DNAJC14: variants seen among roughly 807,000 people sequenced by gnomAD.
The protein encoded by DNAJC14 is DnaJ heat shock protein family (Hsp40) member C14.
In DNAJC14, 12 loss-of-function variants were observed where a neutral mutation model predicts 68.8. That is an observed-to-expected ratio of 0.17 (90% CI 0.11 to 0.28). DNAJC14 has a LOEUF of 0.28. Among genes scored for constraint, DNAJC14 ranks in the 10% least tolerant of loss-of-function variants. The pLI is 1.00. For missense variants in DNAJC14, 764 were observed against 875.6 expected (o/e 0.87, Z 1.61); for synonymous variants, 350 against 321.5 (o/e 1.09, Z -0.95).
intron 2 of DNAJC14, 65 bp from the exon 3 acceptor site, chr12:55,823,573 T>G: frequency 7.0e-7 from 1 of 1,420,246 alleles, no homozygotes; most frequent in South Asian, 1.2e-5. Flanking sequence ...GAATTTATTC[T>G]CATATCAAAG....
intron 2 of DNAJC14, 44 bp from the exon 3 acceptor site, chr12:55,823,552 C>G (rs1428166022): frequency 6.5e-7 from 1 of 1,530,976 alleles, no homozygotes. Context: ...TTCCAACCCT[C>G]TCCTCACCTT....
rs372472514 is a variant in DNAJC14, at chr12:55,827,991, A to G, written c.668T>C (p.Leu223Pro). ...ATCTGCCTGACTTCGTTTCCGACCC[A>G]GCCGATGTCGACCAGGGGACCTGGG... Reference protein sequence around the residue: ...RDPRSPGRHRLGRKRSQADKR... With the variant: ...RDPRSPGRHRPGRKRSQADKR... Residue 223 changes from leucine to proline, a missense_variant, in exon 2 of 7, where the codon CTG becomes CCG. Physicochemically the swap from Leu to Pro is moderately conservative, Grantham distance 98 (BLOSUM62 -3). Transcript: ENST00000678005. 56 of 1,613,326 alleles carry G rather than the reference A, an allele frequency of 3.5e-5. No individual in the cohort carries two copies. The highest frequency in any genetic ancestry group is 4.6e-5 in the Non-Finnish European group (54 of 1,179,844).
In DNAJC14 at chr12:55,828,323, C is replaced by T. The variant is rs745699717; in HGVS notation, c.336G>A (p.Glu112=). The T allele has an allele frequency of 2.3e-5, 37 of 1,613,274 alleles. No individual in the cohort carries two copies. The highest frequency in any genetic ancestry group is 3.1e-5 in the Non-Finnish European group (37 of 1,179,826). ...AGTTCCCATCCTTCTGGTTCCCAGTCTCGTTTTCTTTTGAGAGTTCCTGGT... is the reference window on the plus strand; with the variant it reads ...AGTTCCCATCCTTCTGGTTCCCAGTTTCGTTTTCTTTTGAGAGTTCCTGGT... ...GVDQELSKEN[E]TGNQKDGNSF... The change falls in exon 2 of 7, where the codon GAG becomes GAA. Residue 112 remains glutamate, a synonymous_variant. Transcript: ENST00000678005.
chr12:55,827,125 A>C, intron 2 of DNAJC14, 127 bp downstream of exon 2: 3 of 957,416 alleles, frequency 3.1e-6, no homozygotes, highest in Admixed American at 3.1e-5. Flanking sequence ...CAGGAGGCGG[A>C]GGTTGTAGTG....
At chr12:55,828,799 C>T in intron 1 of DNAJC14, 85 bp from the exon 2 acceptor site, 2 of 1,372,938 alleles carry the variant, frequency 1.5e-6, no homozygotes, top group Non-Finnish European at 1.9e-6. Context: ...ACATTTAATT[C>T]ATCCACCTCC....
chr12:55,830,708 TG>T (rs1009737601), upstream of DNAJC14: 1 of 152,586 alleles, frequency 6.6e-6, no homozygotes, highest in African/African-American at 2.4e-5. Context: ...GCTATATAGT[TG>T]GGGGTCTCTG....
Position 55,828,571 on chromosome 12 carries a change from C to T in DNAJC14, c.88G>A (p.Asp30Asn). Residue 30 changes from aspartate to asparagine, a missense_variant, in exon 2 of 7, where the codon GAC (aspartate) becomes AAC (asparagine). By Grantham distance (23) the Asp-to-Asn change is conservative (BLOSUM62 1). Transcript: ENST00000678005. ...ASLRTLGPSV[D>N]PEIPSFSGLR... ...CCTGAGAATGAAGGTATTTCAGGGTCCACGGAGGGTCCTAAAGTCCTGAGG... is the reference window on the plus strand; with the variant it reads ...CCTGAGAATGAAGGTATTTCAGGGTTCACGGAGGGTCCTAAAGTCCTGAGG... The T allele has an allele frequency of 6.2e-7, 1 of 1,614,100 alleles. No homozygotes were observed.
At chr12:55,824,323 G>A (rs772823729) in intron 2 of DNAJC14, among the ~76,000 whole-genome samples, 21 of 152,038 alleles carry the variant, frequency 1.4e-4, no homozygotes, top group Admixed American at 3.9e-4. Context: ...ACTTCCTACA[G>A]TGATATGCCT....
chr12:55,827,565 A>G lies in DNAJC14; in HGVS notation c.1094T>C (p.Leu365Pro), dbSNP rs1188740668. Reference protein sequence around the residue: ...RLGWRDKATWLFSWLDSPALQ... With the variant: ...RLGWRDKATWPFSWLDSPALQ... ...GGCTGGAGAATCCAGCCAAGAGAAG[A>G]GCCAGGTAGCCTTATCCCTCCAGCC... Residue 365 changes from leucine to proline, a missense_variant, in exon 2 of 7, where the codon CTC (leucine) becomes CCC (proline). Coordinates refer to ENST00000678005, the MANE Select transcript of DNAJC14 (RefSeq NM_032364.6). 2 of 1,606,378 alleles carry G rather than the reference A, an allele frequency of 1.2e-6. No homozygotes were observed. Among genetic ancestry groups the G allele is most frequent in the East Asian group, 4.5e-5 (2 of 44,632 alleles).
chr12:55,823,641 A>C, intron 2 of DNAJC14, 133 bp from the exon 3 acceptor site: 1 of 671,196 alleles, frequency 1.5e-6, no homozygotes. Flanking sequence ...AACTGCTCTG[A>C]CTCTGCAGAT....
rs372078440 is a variant in DNAJC14, at chr12:55,823,061, A to G, written c.1634+9T>C. ...GTGATTGTCCCATCCCTCTCCTTCT[A>G]TTTCATACCTATGCTTTCCTTGGCA... On this transcript the variant is annotated intron_variant, in intron 4 of 6. Transcript: ENST00000678005. The G allele has an allele frequency of 1.9e-5, 31 of 1,613,408 alleles. No homozygotes were observed. Among genetic ancestry groups the G allele is most frequent in the Non-Finnish European group, 2.5e-5 (29 of 1,179,998 alleles).
chr12:55,828,386 A>T lies in DNAJC14; in HGVS notation c.273T>A (p.Asp91Glu). The T allele has an allele frequency of 6.2e-7, 1 of 1,613,324 alleles. No individual in the cohort carries two copies. Among genetic ancestry groups the T allele is most frequent in the Non-Finnish European group, 8.5e-7 (1 of 1,179,718 alleles). The change falls in exon 2 of 7, where the codon GAT becomes GAA. Residue 91 changes from aspartate to glutamate, a missense_variant. Physicochemically the swap from Asp to Glu is conservative, Grantham distance 45. This residue lies in a region of DNAJC14 where 514 missense variants were observed against 521.7 expected (regional missense o/e 0.99). Transcript: ENST00000678005. ...PGPPRDAEDP[D>E]QSETSSEEES... ...CTTCTTCTGAAGACGTCTCACTCTG[A>T]TCAGGGTCCTCTGCATCTCTAGGTG...
intron 4 of DNAJC14, 21 bp downstream of exon 4, chr12:55,823,049 C>T: frequency 6.2e-7 from 1 of 1,612,672 alleles, no homozygotes. Flanking sequence ...ATTGTCCCAT[C>T]CCTCTCCTTC....
intron 2 of DNAJC14, 152 bp from the exon 3 acceptor site, chr12:55,823,660 A>G (rs1880725938): frequency 4.9e-6 from 3 of 615,694 alleles, no homozygotes; most frequent in East Asian, 5.7e-5. Flanking sequence ...ATCTGGTTCA[A>G]TTCATGGCTC....
Position 55,827,494 on chromosome 12 carries a change from G to T in DNAJC14, c.1165C>A (p.Arg389=). Residue 389 remains arginine (R), a synonymous_variant, in exon 2 of 7, where the codon CGG becomes AGG. Coordinates refer to ENST00000678005, the MANE Select transcript of DNAJC14 (RefSeq NM_032364.6). Reference sequence around the variant, plus strand: ...CCCCACTGAACTATTCTTACCAGCCGCTGCCATGGCCTGCTATCTCTCAGC... The same window carrying T: ...CCCCACTGAACTATTCTTACCAGCCTCTGCCATGGCCTGCTATCTCTCAGC... ...TLLRDSRPWQ[R]LVRIVQWGWL... is the part of the protein sequence containing the mutation. 2 of 1,602,616 alleles carry T rather than the reference G, an allele frequency of 1.2e-6. No homozygotes were observed. Among genetic ancestry groups the T allele is most frequent in the Non-Finnish European group, 1.7e-6 (2 of 1,170,580 alleles).
intron 6 of DNAJC14, 69 bp from the exon 7 acceptor site, chr12:55,822,256 TA>T: frequency 6.5e-7 from 1 of 1,529,262 alleles, no homozygotes; most frequent in Non-Finnish European, 8.8e-7. Context: ...TAGATATACT[TA>T]TCAGTTCCCA....
In DNAJC14 at chr12:55,823,105, A is replaced by G. The variant is rs367588622; in HGVS notation, c.1599T>C (p.Asn533=). The stretch of plus-strand genomic sequence containing the variant: ...CTTGGCATCGGCTACACATCATAGT[A>G]TTCATTGCCTCCTTGAGGTCATCTT... ...KLQDDLKEAM[N]TMMCSRCQGK... The change falls in exon 4 of 7, where the codon AAT becomes AAC. Residue 533 remains asparagine (N), a synonymous_variant. Transcript: ENST00000678005. 1.4e-5 allele frequency: 23 copies of G among 1,614,058 alleles called. No individual in the cohort carries two copies. The African/African-American group carries it at 2.7e-4, about 19-fold the overall frequency.
intron 2 of DNAJC14, among the ~76,000 whole-genome samples, chr12:55,823,808 A>C (rs1880729903): frequency 6.7e-6 from 1 of 148,938 alleles, no homozygotes; most frequent in South Asian, 2.1e-4. Flanking sequence ...AGGTTCTAGC[A>C]ATTCTCCTGC....
At position 55,821,992 on chromosome 12, in the gene DNAJC14, C is replaced by A; in HGVS notation, c.2094G>T (p.Arg698Ser). 1.2e-6 allele frequency: 2 copies of A among 1,612,288 alleles called. No homozygotes were observed. The highest frequency in any genetic ancestry group is 8.5e-7 in the Non-Finnish European group (1 of 1,179,268). ...AGAAGGGGCATCAACGTTGGAAGGG[C>A]CTCCTCACTTTCTTCCGCCGCTTAG... ...AKPKRRKKVR[R>S]PFQR The change falls in exon 7 of 7, where the codon AGG becomes AGT. Residue 698 changes from arginine (R) to serine (S), a missense_variant. Arg to Ser is a moderately radical substitution (Grantham distance 110). Around this residue, in one of 4 missense-constraint regions of DNAJC14, gnomAD observed 134 missense variants for 162.3 expected, o/e 0.83. Transcript: ENST00000678005.
Sources: allele counts gnomAD v4.1 joint callset (sites outside exome capture counted in the v4.1 genomes callset), GRCh38; gene constraint gnomAD v4.1.1; regional missense constraint gnomAD v4.1.1; transcripts MANE v1.5; gene names NCBI Gene and HGNC (gene_info 2026-07-23, HGNC 2026-07-21).